The following MTA3 variants were observed in gnomAD, a reference collection of about 807,000 sequenced individuals.
MTA3 encodes metastasis associated 1 family member 3.
MTA3 carries 34 observed loss-of-function variants against 83.5 expected under a neutral mutation model. That is an observed-to-expected ratio of 0.41 (90% CI 0.31 to 0.54). MTA3 has a LOEUF of 0.54. MTA3 is among the 20% of genes least tolerant of loss of function. MTA3 has a pLI of 0.33. For synonymous variants in MTA3, 303 were observed against 252.7 expected (o/e 1.20, Z -1.89); for missense variants, 761 against 726.4 (o/e 1.05, Z -0.55).
At chr2:42,501,600 A>G (rs961842845) in intron 2 of MTA3, among the ~76,000 whole-genome samples, 4 of 152,204 alleles carry the variant, frequency 2.6e-5, no homozygotes, top group African/African-American at 9.6e-5. Flanking sequence ...AAAGTCAAAC[A>G]CTGGCATCAG....
At chr2:42,524,483 T>TTTG (rs1553337467) in intron 2 of MTA3, among the ~76,000 whole-genome samples, 3 of 140,668 alleles carry the variant, frequency 2.1e-5, no homozygotes, top group African/African-American at 7.9e-5. Context: ...TTTTTTTTTT[T>TTTG]TTTTTTTTTT....
chr2:42,611,087 T>C (rs1323674603), intron 4 of MTA3, among the ~76,000 whole-genome samples: 1 of 151,564 alleles, frequency 6.6e-6, no homozygotes, highest in East Asian at 1.9e-4. Flanking sequence ...GTTCACGCAG[T>C]TCTCCTGCCT....
intron 1 of MTA3, chr2:42,569,498 T>C (rs1339851664): frequency 6.6e-6 from 1 of 152,202 alleles, no homozygotes. Context: ...AAAATAATAA[T>C]TCAGATAAGT....
intron 16 of MTA3, among the ~76,000 whole-genome samples, chr2:42,726,423 T>C (rs1303373297): frequency 6.6e-6 from 1 of 151,994 alleles, no homozygotes; most frequent in Non-Finnish European, 1.5e-5. Flanking sequence ...GTTACATATG[T>C]ATACATGTGC....
At chr2:42,679,268 C>A (rs1691655092) in intron 8 of MTA3, among the ~76,000 whole-genome samples, 1 of 152,130 alleles carries the variant, frequency 6.6e-6, no homozygotes, top group Non-Finnish European at 1.5e-5. Flanking sequence ...GGCTCACTCC[C>A]CTTCTCATCC....
chr2:42,737,270 C>G (rs1009819709), intron 16 of MTA3, among the ~76,000 whole-genome samples: 6 of 152,174 alleles, frequency 3.9e-5, no homozygotes, highest in African/African-American at 1.2e-4. Context: ...CACTTTAACC[C>G]ACAGTGGAAG....
At chr2:42,580,624 C>A (rs1679512804) in intron 3 of MTA3, among the ~76,000 whole-genome samples, 1 of 151,746 alleles carries the variant, frequency 6.6e-6, no homozygotes. Context: ...CTGACTTCAG[C>A]CTCCCAAAGT....
intron 8 of MTA3, 28 bp from the exon 9 acceptor site, chr2:42,682,373 A>T (rs779216327): frequency 6.6e-7 from 1 of 1,516,838 alleles, no homozygotes; most frequent in South Asian, 1.3e-5. Context: ...TTTCTGGTTG[A>T]TATTTTCTGT....
chr2:42,629,680 C>T (rs1558520931), intron 4 of MTA3, among the ~76,000 whole-genome samples: 1 of 151,954 alleles, frequency 6.6e-6, no homozygotes, highest in Non-Finnish European at 1.5e-5. Flanking sequence ...AAGAGTTGTA[C>T]GGTGAAGTCA....
At chr2:42,743,436 C>G (rs1275085140) in intron 16 of MTA3, among the ~76,000 whole-genome samples, 3 of 152,176 alleles carry the variant, frequency 2.0e-5, no homozygotes, top group Non-Finnish European at 4.4e-5. Context: ...ATGTCAGCAA[C>G]AGGCTCAGAA....
At chr2:42,632,257 A>AT (rs1414843026) in intron 4 of MTA3, among the ~76,000 whole-genome samples, 1 of 151,448 alleles carries the variant, frequency 6.6e-6, no homozygotes, top group Non-Finnish European at 1.5e-5. Context: ...TGCCCGGCTA[A>AT]TTTTTTGTAT....
rs1012253811 is a variant in MTA3, at chr2:42,643,043, CCCCT to C, written c.382-1083_382-1080del. On this transcript the variant is annotated intron_variant, in intron 5 of 16. Coordinates refer to ENST00000405094, the MANE Select transcript of MTA3 (RefSeq NM_001330442.2). ...GTCACATATTGGTGTCTCCCCCCCC[CCCCT>C]TTTTTTTTTAACAGTTTTTTTGTTT... Among the ~76,000 whole-genome samples, 61 of 147,030 alleles carry C rather than the reference CCCCT, an allele frequency of 4.1e-4. 1 individual carries two copies. The highest frequency in any genetic ancestry group is 1.4e-3 in the African/African-American group (55 of 39,992).
chr2:42,723,060 G>A, intron 16 of MTA3, 25 bp downstream of exon 16: 8 of 1,549,264 alleles, frequency 5.2e-6, no homozygotes, highest in Non-Finnish European at 6.1e-6. Flanking sequence ...GAATTCTGGA[G>A]GCTGTTCTGA....
intron 3 of MTA3, among the ~76,000 whole-genome samples, chr2:42,587,623 T>C (rs1680500510): frequency 6.6e-6 from 1 of 152,134 alleles, no homozygotes; most frequent in Admixed American, 6.6e-5. Context: ...TTTGAGACAG[T>C]CTGACTCTTG....
intron 3 of MTA3, among the ~76,000 whole-genome samples, chr2:42,594,108 T>C (rs553685001): frequency 3.6e-4 from 54 of 152,028 alleles, no homozygotes; most frequent in African/African-American, 1.2e-3. Flanking sequence ...CACACCACCA[T>C]GCCTGGCTAA....
At chr2:42,616,572 C>T (rs371343794) in intron 4 of MTA3, among the ~76,000 whole-genome samples, 15 of 56,210 alleles carry the variant, frequency 2.7e-4, no homozygotes, top group South Asian at 8.6e-4. Context: ...TCTTCTTCTT[C>T]TTTTTTTTTT....
intron 2 of MTA3, among the ~76,000 whole-genome samples, chr2:42,530,195 A>C (rs867227644): frequency 4.7e-5 from 7 of 147,474 alleles, no homozygotes; most frequent in Non-Finnish European, 9.0e-5. Flanking sequence ...AAAAAAAAAA[A>C]AGATTACAAC....
chr2:42,594,598 T>C (rs1350572362), intron 3 of MTA3, among the ~76,000 whole-genome samples: 1 of 146,482 alleles, frequency 6.8e-6, no homozygotes, highest in Non-Finnish European at 1.5e-5. Flanking sequence ...CTTGGTGGGA[T>C]TGTATCTTAA....
chr2:42,495,429 C>G (rs1016205412), intron 2 of MTA3, among the ~76,000 whole-genome samples: 4 of 152,040 alleles, frequency 2.6e-5, no homozygotes, highest in Non-Finnish European at 5.9e-5. Flanking sequence ...GTTTGCTATT[C>G]AGTATCTATT....
Sources: allele counts gnomAD v4.1 joint callset (sites outside exome capture counted in the v4.1 genomes callset), GRCh38; gene constraint gnomAD v4.1.1; transcripts MANE v1.5; gene names NCBI Gene and HGNC (gene_info 2026-07-23, HGNC 2026-07-21).